The following TTLL11 variants were observed in gnomAD, a reference collection of about 807,000 sequenced individuals.
The protein encoded by TTLL11 is tubulin tyrosine ligase like 11.
TTLL11 carries 42 observed loss-of-function variants against 51.7 expected under a neutral mutation model. The observed-to-expected ratio is 0.81, with a 90% CI of 0.64 to 1.05. The LOEUF (loss-of-function observed/expected upper bound fraction) is 1.05. Ranked by LOEUF, TTLL11 falls within the 50% of genes least tolerant of loss-of-function variation. The pLI is 0.00. For missense variants in TTLL11, 799 were observed against 940.4 expected, an observed-to-expected ratio of 0.85 and a Z score of 1.97; for synonymous variants, 381 against 383.5, an observed-to-expected ratio of 0.99 and a Z score of 0.08.
At chr9:121,854,101 G>C (rs1012187904) in intron 8 of TTLL11, among the ~76,000 whole-genome samples, 1 of 152,090 alleles carries the variant, frequency 6.6e-6, no homozygotes, top group Non-Finnish European at 1.5e-5. Context: ...TTGAGGCTTG[G>C]AGGAAGTTGC....
At chr9:121,826,475 A>ATG in intron 8 of TTLL11, among the ~76,000 whole-genome samples, 2 of 58,950 alleles carry the variant, frequency 3.4e-5, no homozygotes, top group Non-Finnish European at 7.0e-5. Context: ...GTGTATATAT[A>ATG]TATATGTATA....
At chr9:121,849,564 A>C (rs1837607666) in intron 8 of TTLL11, among the ~76,000 whole-genome samples, 1 of 152,230 alleles carries the variant, frequency 6.6e-6, no homozygotes, top group Non-Finnish European at 1.5e-5. Flanking sequence ...CAATTAAAAA[A>C]ACTCAATTAA....
intron 8 of TTLL11, among the ~76,000 whole-genome samples, chr9:121,840,989 C>T (rs1209941786): frequency 2.0e-5 from 3 of 152,222 alleles, no homozygotes; most frequent in Admixed American, 2.0e-4. Context: ...ATCCAGCGAG[C>T]TATGACGGCT....
chr9:121,957,910 G>C (rs772053945), intron 6 of TTLL11, among the ~76,000 whole-genome samples: 80 of 152,170 alleles, frequency 5.3e-4, no homozygotes, highest in Non-Finnish European at 8.5e-4. Flanking sequence ...GAGAAGGAGG[G>C]GCTGGAAGGA....
intron 6 of TTLL11, among the ~76,000 whole-genome samples, chr9:121,967,316 C>A (rs894173425): frequency 1.4e-5 from 2 of 143,760 alleles, no homozygotes; most frequent in African/African-American, 5.1e-5. Context: ...CCTCCGCCTC[C>A]CGGGTTCAAG....
At chr9:122,042,458 A>G (rs1224969078) in intron 1 of TTLL11, among the ~76,000 whole-genome samples, 1 of 152,262 alleles carries the variant, frequency 6.6e-6, no homozygotes, top group African/African-American at 2.4e-5. Flanking sequence ...AGGAACCCTC[A>G]TTCCTTTCTG....
intron 6 of TTLL11, among the ~76,000 whole-genome samples, chr9:121,936,302 T>C (rs1841218292): frequency 6.6e-6 from 1 of 151,970 alleles, no homozygotes; most frequent in Non-Finnish European, 1.5e-5. Flanking sequence ...CTCACTCTGT[T>C]TCCCAGGCCA....
At chr9:122,069,498 C>T (rs1845674897) in intron 1 of TTLL11, among the ~76,000 whole-genome samples, 1 of 152,164 alleles carries the variant, frequency 6.6e-6, no homozygotes, top group Admixed American at 6.5e-5. Context: ...GCCTGGCCAA[C>T]ATGGCAAAAC....
intron 3 of TTLL11, among the ~76,000 whole-genome samples, chr9:122,003,709 A>G (rs1176680077): frequency 6.8e-6 from 1 of 147,994 alleles, no homozygotes; most frequent in Non-Finnish European, 1.5e-5. Context: ...CTGGTCTCGA[A>G]CTCCTGACCT....
At chr9:121,874,807 A>G (rs972603978) in intron 6 of TTLL11, among the ~76,000 whole-genome samples, 3 of 149,718 alleles carry the variant, frequency 2.0e-5, no homozygotes, top group Non-Finnish European at 3.0e-5. Flanking sequence ...CCCAGGCTGC[A>G]GTGCAGTGGC....
intron 8 of TTLL11, among the ~76,000 whole-genome samples, chr9:121,837,611 C>T (rs1291102724): frequency 1.3e-5 from 2 of 152,118 alleles, no homozygotes; most frequent in South Asian, 2.1e-4. Context: ...TCCTGAATGC[C>T]ACCATCTGCC....
intron 7 of TTLL11, among the ~76,000 whole-genome samples, chr9:121,868,784 T>C (rs963343443): frequency 1.3e-5 from 2 of 152,124 alleles, no homozygotes; most frequent in Non-Finnish European, 2.9e-5. Context: ...AGTCAGAGAG[T>C]ATCATGTCAG....
chr9:121,872,512 C>T (rs1031755934), intron 6 of TTLL11, among the ~76,000 whole-genome samples: 3 of 152,194 alleles, frequency 2.0e-5, no homozygotes, highest in Non-Finnish European at 4.4e-5. Flanking sequence ...AAGTTTGCAA[C>T]GTAAGCCTTA....
intron 8 of TTLL11, among the ~76,000 whole-genome samples, chr9:121,827,952 C>G (rs1015345348): frequency 1.3e-5 from 2 of 152,286 alleles, no homozygotes; most frequent in East Asian, 3.9e-4. Context: ...TTTTCCAGAG[C>G]CTCCACAATG....
Position 121,836,638 on chromosome 9 carries a change from C to T in TTLL11, c.1841-13759G>A, listed in dbSNP as rs1023782289. 1.2e-4 allele frequency among the ~76,000 whole-genome samples: 19 copies of T among 152,224 alleles called. 1 individual carries two copies. ...ACCATGACCACTCAGTTCTGCCAGCCCTGGCTGACTCCTCAATGTGCAGAT... is the reference window on the plus strand; with the variant it reads ...ACCATGACCACTCAGTTCTGCCAGCTCTGGCTGACTCCTCAATGTGCAGAT... On this transcript the variant is annotated intron_variant, in intron 8 of 8. Coordinates refer to ENST00000321582, the MANE Select transcript of TTLL11 (RefSeq NM_001139442.2).
chr9:121,860,506 C>T (rs1837972661), intron 7 of TTLL11, 63 bp from the exon 8 acceptor site: 1 of 1,323,418 alleles, frequency 7.6e-7, no homozygotes, highest in Non-Finnish European at 1.1e-6. Flanking sequence ...TATCTCTCCT[C>T]CACTCCTGTT....
intron 8 of TTLL11, among the ~76,000 whole-genome samples, chr9:121,843,919 C>T (rs1396187713): frequency 6.6e-6 from 1 of 152,202 alleles, no homozygotes; most frequent in East Asian, 1.9e-4. Context: ...CATGATCTTC[C>T]TGCCTCAGCC....
At chr9:122,012,414 TA>T (rs1843823069) in intron 3 of TTLL11, among the ~76,000 whole-genome samples, 2 of 152,116 alleles carry the variant, frequency 1.3e-5, no homozygotes, top group South Asian at 4.2e-4. Context: ...TTTTTCTTTT[TA>T]AAAGCTTGCC....
intron 1 of TTLL11, among the ~76,000 whole-genome samples, chr9:122,077,202 A>C (rs1354200825): frequency 6.6e-6 from 1 of 152,204 alleles, no homozygotes; most frequent in Non-Finnish European, 1.5e-5. Context: ...AAAATAGAAT[A>C]GCAAACAAAG....
Sources: gnomAD v4.1 joint callset for allele counts (sites outside exome capture counted in the v4.1 genomes callset) on GRCh38, gnomAD v4.1.1 for gene constraint, MANE v1.5 for transcripts, NCBI Gene and HGNC (gene_info 2026-07-23, HGNC 2026-07-21) for gene names.